The following RASGEF1C variants were observed in gnomAD, a reference collection of about 807,000 sequenced individuals.
RASGEF1C encodes RasGEF domain family member 1C, also known as ras-GEF domain-containing family member 1C.
RASGEF1C carries 27 observed loss-of-function variants against 58.1 expected under a neutral mutation model. The ratio of observed to expected loss-of-function variants is 0.46; its 90% CI spans 0.34 to 0.64. The LOEUF (loss-of-function observed/expected upper bound fraction) is 0.64, where lower values mean the gene tolerates loss of function less well. Ranked by LOEUF, RASGEF1C falls within the 30% of genes least tolerant of loss-of-function variation. The pLI is 0.01. For missense variants in RASGEF1C, 502 were observed against 605.1 expected, an observed-to-expected ratio of 0.83 and a Z score of 1.79; for synonymous variants, 243 against 246.3, an observed-to-expected ratio of 0.99 and a Z score of 0.13.
At chr5:180,133,222 G>A (rs1766399891) in intron 4 of RASGEF1C, among the ~76,000 whole-genome samples, 1 of 152,220 alleles carries the variant, frequency 6.6e-6, no homozygotes, top group African/African-American at 2.4e-5. Flanking sequence ...GCCCGATGCT[G>A]GGAAGGCTTC....
rs189694005 is a variant in RASGEF1C at position 180,148,923 on chromosome 5, T to C, written c.-6-10865A>G. On this transcript the variant is annotated intron_variant, in intron 1 of 13. Transcript: ENST00000361132. ...CGGTAGTGACTTTCTTCGATTCTTG[T>C]TTATCTAGGAATGTCTTAACTTTGT... is the stretch of plus-strand genomic sequence containing the variant. Among the ~76,000 whole-genome samples the C allele has an allele frequency of 2.2e-3, 332 of 152,332 alleles. 2 individuals are homozygous for C. The highest frequency in any genetic ancestry group is 3.3e-3 in the Non-Finnish European group (224 of 68,030).
chr5:180,189,651 G>A (rs1756108469), intron 1 of RASGEF1C, among the ~76,000 whole-genome samples: 1 of 152,154 alleles, frequency 6.6e-6, no homozygotes, highest in South Asian at 2.1e-4. Context: ...CTCACGCCTG[G>A]TGGCTCTCAC....
intron 1 of RASGEF1C, among the ~76,000 whole-genome samples, chr5:180,167,151 G>A (rs1767035988): frequency 6.6e-6 from 1 of 152,012 alleles, no homozygotes; most frequent in African/African-American, 2.4e-5. Context: ...GTTTTCAAAT[G>A]CTTTTTTTCT....
chr5:180,111,419 G>A (rs778718989), intron 12 of RASGEF1C, 38 bp downstream of exon 12: 187 of 1,613,540 alleles, frequency 1.2e-4, no homozygotes, highest in Admixed American at 2.8e-4. Context: ...CCAGAGTTCC[G>A]TGGCCCAGTA....
chr5:180,114,304 A>T, intron 11 of RASGEF1C, 142 bp downstream of exon 11: 2 of 671,746 alleles, frequency 3.0e-6, no homozygotes, highest in Non-Finnish European at 5.0e-6. Context: ...GAGGACCCTG[A>T]TAACCTTGCC....
intron 6 of RASGEF1C, among the ~76,000 whole-genome samples, chr5:180,126,267 T>C (rs1177696317): frequency 2.6e-5 from 4 of 151,860 alleles, no homozygotes; most frequent in South Asian, 2.1e-4. Context: ...ATTAGCCGGG[T>C]GTTGTGGTGG....
At chr5:180,208,874 C>T (rs933733678) in intron 1 of RASGEF1C, among the ~76,000 whole-genome samples, 154 bp downstream of exon 1, 2 of 149,852 alleles carry the variant, frequency 1.3e-5, no homozygotes, top group African/African-American at 2.4e-5. Context: ...GCCGCGCGGA[C>T]CCCGCCCCTG....
At chr5:180,134,304 C>T (rs1470483088) in intron 4 of RASGEF1C, among the ~76,000 whole-genome samples, 1 of 152,026 alleles carries the variant, frequency 6.6e-6, no homozygotes, top group East Asian at 1.9e-4. Flanking sequence ...TTCCAGTCCA[C>T]ACTACACAGC....
At chr5:180,150,625 T>A (rs1272383459) in intron 1 of RASGEF1C, among the ~76,000 whole-genome samples, 4 of 151,988 alleles carry the variant, frequency 2.6e-5, no homozygotes, top group Non-Finnish European at 4.4e-5. Flanking sequence ...AGGTCAGGAG[T>A]TCGAGACCAG....
intron 1 of RASGEF1C, among the ~76,000 whole-genome samples, chr5:180,172,253 G>A (rs1767121048): frequency 6.6e-6 from 1 of 152,118 alleles, no homozygotes; most frequent in African/African-American, 2.4e-5. Context: ...CAGGGCCCCA[G>A]CATGCCCAGA....
At chr5:180,161,079 C>A (rs1218050407) in intron 1 of RASGEF1C, among the ~76,000 whole-genome samples, 4 of 152,204 alleles carry the variant, frequency 2.6e-5, no homozygotes, top group Non-Finnish European at 5.9e-5. Context: ...CACAGGCCAG[C>A]CTGTGCTCAG....
rs867750735 is a variant in RASGEF1C, at chr5:180,128,698, G to T, written c.439-88C>A. ...ACCAGGCAGCCACCTGGGCTCCAAAGGGAGGGTCTTTTCCTCAGGGTCTCT... is the reference window on the plus strand; with the variant it reads ...ACCAGGCAGCCACCTGGGCTCCAAATGGAGGGTCTTTTCCTCAGGGTCTCT... On this transcript the variant is annotated intron_variant, in intron 4 of 13. Transcript: ENST00000361132. 4.5e-6 allele frequency: 6 copies of T among 1,334,720 alleles called. 1 individual carries two copies. Among genetic ancestry groups the T allele is most frequent in the South Asian group, 1.2e-5 (1 of 80,462 alleles). 82.7% of individuals were successfully genotyped at this position (1,334,720 alleles called of 1,614,324 possible).
At chr5:180,119,201 G>A in intron 8 of RASGEF1C, 145 bp downstream of exon 8, 1 of 718,976 alleles carries the variant, frequency 1.4e-6, no homozygotes, top group Non-Finnish European at 2.4e-6. Context: ...ACATGGGGCT[G>A]CCCAGGCCTT....
chr5:180,175,825 A>G (rs1767215462), intron 1 of RASGEF1C, among the ~76,000 whole-genome samples: 1 of 152,164 alleles, frequency 6.6e-6, no homozygotes, highest in African/African-American at 2.4e-5. Context: ...CGTCTCTAGT[A>G]AAAATATAAA....
At chr5:180,115,362 A>C (rs1272394668) in intron 10 of RASGEF1C, 2 of 402,218 alleles carry the variant, frequency 5.0e-6, no homozygotes, top group East Asian at 1.4e-4. Context: ...ATCCCGATGC[A>C]CTTACTGTTA....
At chr5:180,178,857 G>A (rs1767274534) in intron 1 of RASGEF1C, among the ~76,000 whole-genome samples, 1 of 152,084 alleles carries the variant, frequency 6.6e-6, no homozygotes, top group South Asian at 2.1e-4. Context: ...ATGTGGAGGG[G>A]ACAGCTGGTC....
rs139266359 is a variant in RASGEF1C at position 180,179,418 on chromosome 5, G to C, written c.-7+29610C>G. ...AGAAGGGCCGATGGATGGGCCAGTG[G>C]TGCACAGGGAGTGGAGCAGCCCAGG... On this transcript the variant is annotated intron_variant, in intron 1 of 13. Transcript: ENST00000361132. Among the ~76,000 whole-genome samples, 13 of 152,212 alleles carry C rather than the reference G, an allele frequency of 8.5e-5. No individual in the cohort carries two copies. The East Asian group carries it at 2.5e-3, about 29-fold the overall frequency.
Position 180,197,243 on chromosome 5 carries a change from C to T in RASGEF1C, c.-7+11785G>A, listed in dbSNP as rs750903419. On this transcript the variant is annotated intron_variant, in intron 1 of 13. Coordinates refer to ENST00000361132, the MANE Select transcript of RASGEF1C (RefSeq NM_175062.4). The surrounding 1 kb of genome is among the most constrained non-coding windows in gnomAD (Gnocchi z 4.7). The stretch of plus-strand genomic sequence containing the variant: ...TGCCTTGCCTCCCTCAGCCACACAC[C>T]TGTGAATCACTCAACAATGGCTGGG... 6.6e-6 allele frequency among the ~76,000 whole-genome samples: 1 copy of T among 152,222 alleles called. No homozygotes were observed. Among genetic ancestry groups the T allele is most frequent in the Non-Finnish European group, 1.5e-5 (1 of 68,036 alleles).
In RASGEF1C at chr5:180,187,887, G is replaced by A. The variant is rs76671649; in HGVS notation, c.-7+21141C>T. Reference sequence around the variant, plus strand: ...GATGTGGAGAAACGGGAAACCTTGTGTGTTGCTGGTGGGAATGTGAAAGGA... The same window carrying A: ...GATGTGGAGAAACGGGAAACCTTGTATGTTGCTGGTGGGAATGTGAAAGGA... On this transcript the variant is annotated intron_variant, in intron 1 of 13. Transcript: ENST00000361132. Among the ~76,000 whole-genome samples, 941 of 152,338 alleles carry A rather than the reference G, an allele frequency of 6.2e-3. 4 individuals carry two copies. The highest frequency in any genetic ancestry group is 0.022 in the South Asian group (104 of 4,826).
Sources: allele counts gnomAD v4.1 joint callset (sites outside exome capture counted in the v4.1 genomes callset), GRCh38; gene constraint gnomAD v4.1.1; non-coding constraint Gnocchi (gnomAD v3.1); transcripts MANE v1.5; gene names NCBI Gene and HGNC (gene_info 2026-07-23, HGNC 2026-07-21).